DHRS4L2: variants seen among roughly 807,000 people sequenced by gnomAD.
DHRS4L2 encodes dehydrogenase/reductase 4 like 2, also known as dehydrogenase/reductase SDR family member 4-like 2.
DHRS4L2 carries 22 observed loss-of-function variants against 23.9 expected under a neutral mutation model. The observed-to-expected ratio is 0.92, with a 90% confidence interval of 0.66 to 1.31. DHRS4L2 has a LOEUF of 1.31. Ranked by LOEUF, DHRS4L2 falls within the 40% of genes most tolerant of loss-of-function variation. The pLI is 0.00. For synonymous variants in DHRS4L2, 141 were observed against 123.7 expected, an observed-to-expected ratio of 1.14 and a Z score of -0.93; for missense variants, 385 against 303.3, an observed-to-expected ratio of 1.27 and a Z score of -2.00.
At chr14:23,983,820 G>C (rs951578430), upstream of DHRS4L2, among the ~76,000 whole-genome samples, 2 of 151,546 alleles carry the variant, frequency 1.3e-5, no homozygotes, top group Non-Finnish European at 2.9e-5. Flanking sequence ...TCATAAGTGG[G>C]AGTGGAACAA....
At chr14:23,995,497 C>T (rs2034362772) in intron 3 of DHRS4L2, among the ~76,000 whole-genome samples, 1 of 151,818 alleles carries the variant, frequency 6.6e-6, no homozygotes. Flanking sequence ...CTCTTTTCAG[C>T]TGACAAAAAC....
At chr14:23,997,116 C>T (rs1356067857) in intron 3 of DHRS4L2, among the ~76,000 whole-genome samples, 4 of 145,378 alleles carry the variant, frequency 2.8e-5, no homozygotes, top group African/African-American at 1.0e-4. Flanking sequence ...TTTTTGGTTT[C>T]CCAGTGCATA....
upstream of DHRS4L2, among the ~76,000 whole-genome samples, chr14:23,986,797 T>C (rs993071835): frequency 1.3e-5 from 2 of 151,206 alleles, no homozygotes; most frequent in Non-Finnish European, 1.5e-5. Context: ...AGTCCTCCTG[T>C]GTACCCTCCC....
chr14:23,976,738 A>G (rs1249870821), intron 1 of DHRS4L2, among the ~76,000 whole-genome samples: 4 of 151,954 alleles, frequency 2.6e-5, no homozygotes. Context: ...GATAAAGGAA[A>G]TGTGGCACAT....
At chr14:23,984,915 CA>C (rs1319670373), upstream of DHRS4L2, among the ~76,000 whole-genome samples, 3 of 150,670 alleles carry the variant, frequency 2.0e-5, no homozygotes, top group African/African-American at 4.9e-5. Flanking sequence ...AAGAAGGGGT[CA>C]GGGGGCTCAT....
intron 1 of DHRS4L2, among the ~76,000 whole-genome samples, chr14:23,976,275 C>T (rs1406398820): frequency 6.6e-6 from 1 of 151,540 alleles, no homozygotes; most frequent in East Asian, 1.9e-4. Context: ...AAAAATAACC[C>T]CATCAAAAAG....
intron 1 of DHRS4L2, among the ~76,000 whole-genome samples, chr14:23,974,764 A>G (rs778366034): frequency 6.6e-6 from 1 of 151,928 alleles, no homozygotes; most frequent in Non-Finnish European, 1.5e-5. Context: ...TTAATAGCCT[A>G]CCAAACCAAA....
chr14:24,000,046 T>A (rs1272589659), intron 3 of DHRS4L2, among the ~76,000 whole-genome samples: 1 of 139,936 alleles, frequency 7.1e-6, no homozygotes, highest in Non-Finnish European at 1.5e-5. Flanking sequence ...TCTTTGTAAT[T>A]TTTGATTTTA....
chr14:23,984,895 G>C (rs144359966), upstream of DHRS4L2, among the ~76,000 whole-genome samples: 279 of 151,002 alleles, frequency 1.8e-3, 7 homozygotes, highest in African/African-American at 6.2e-3. Flanking sequence ...AGACAAATGA[G>C]TACATATGGA....
At position 24,001,104 on chromosome 14, in the gene DHRS4L2, C is replaced by A. The variant is rs769155524; in HGVS notation, c.531+20C>A. On this transcript the variant is annotated intron_variant, in intron 5 of 7. Coordinates refer to ENST00000335125, the MANE Select transcript of DHRS4L2 (RefSeq NM_198083.4). ...TCTCCTGTAAGAACCCTTTTGTCTA[C>A]CTCTTCCATCCCACCCTCCACTCCA... The A allele has an allele frequency of 3.5e-5, 56 of 1,610,242 alleles. 1 individual carries two copies. The highest frequency in any genetic ancestry group is 4.2e-5 in the Non-Finnish European group (50 of 1,179,144).
chr14:23,992,731 G>A (rs1181361213), intron 2 of DHRS4L2, among the ~76,000 whole-genome samples: 4 of 150,712 alleles, frequency 2.7e-5, no homozygotes, highest in Non-Finnish European at 5.9e-5. Context: ...TGTTGCCCAG[G>A]CTGCAGTGCA....
At chr14:23,978,942 A>C (rs2034013014) in intron 1 of DHRS4L2, among the ~76,000 whole-genome samples, 1 of 144,458 alleles carries the variant, frequency 6.9e-6, no homozygotes, top group Non-Finnish European at 1.5e-5. Flanking sequence ...ATTCACACAT[A>C]ACAATATTAA....
At chr14:23,982,187 C>A (rs1434612134) in intron 1 of DHRS4L2, among the ~76,000 whole-genome samples, 1 of 151,632 alleles carries the variant, frequency 6.6e-6, no homozygotes. Context: ...GAGGTCCCTG[C>A]GGCTTTCCGC....
At chr14:23,991,893 G>A (rs1455503000) in intron 2 of DHRS4L2, among the ~76,000 whole-genome samples, 2 of 151,236 alleles carry the variant, frequency 1.3e-5, no homozygotes, top group Non-Finnish European at 2.9e-5. Flanking sequence ...CCACCACCAC[G>A]TCCAGCTAAT....
chr14:23,990,239 C>A lies in DHRS4L2; in HGVS notation c.186C>A (p.Ser62Arg), dbSNP rs1307415618. 1.9e-6 allele frequency: 3 copies of A among 1,612,844 alleles called. No homozygotes were observed. Among genetic ancestry groups the A allele is most frequent in the Non-Finnish European group, 2.5e-6 (3 of 1,179,372 alleles). Reference sequence around the variant, plus strand: ...AGGACAGGGCCCACGTGGTCGTCAGCAGCCGGAAGCAGCAGAATGTGGACC... The same window carrying A: ...AGGACAGGGCCCACGTGGTCGTCAGAAGCCGGAAGCAGCAGAATGTGGACC... ...LAQDRAHVVV[S>R]SRKQQNVDQA... The change falls in exon 2 of 8, where the codon AGC (serine) becomes AGA (arginine). Residue 62 changes from serine (S) to arginine (R), a missense_variant. Coordinates refer to ENST00000335125, the MANE Select transcript of DHRS4L2 (RefSeq NM_198083.4).
intron 1 of DHRS4L2, among the ~76,000 whole-genome samples, chr14:23,971,788 T>C (rs2033862554): frequency 6.6e-6 from 1 of 152,100 alleles, no homozygotes; most frequent in African/African-American, 2.4e-5. Flanking sequence ...TGAGAGATTT[T>C]GTCACCACCA....
upstream of DHRS4L2, chr14:23,987,293 G>T (rs1455994033): frequency 3.6e-6 from 1 of 274,164 alleles, no homozygotes; most frequent in South Asian, 2.7e-5. Flanking sequence ...ACCACGCCCG[G>T]CTAATTTTTT....
At chr14:23,974,240 T>C (rs1300302950) in intron 1 of DHRS4L2, among the ~76,000 whole-genome samples, 1 of 151,502 alleles carries the variant, frequency 6.6e-6, no homozygotes, top group Non-Finnish European at 1.5e-5. Context: ...CTGGGACACA[T>C]TTAAAACAGT....
intron 3 of DHRS4L2, among the ~76,000 whole-genome samples, chr14:23,995,615 AT>A (rs2034365641): frequency 6.6e-6 from 1 of 151,890 alleles, no homozygotes; most frequent in Admixed American, 6.5e-5. Flanking sequence ...CTTTAAAAAA[AT>A]AAAATAAAAA....
Sources: gnomAD v4.1 joint callset for allele counts (sites outside exome capture counted in the v4.1 genomes callset) on GRCh38, gnomAD v4.1.1 for gene constraint, MANE v1.5 for transcripts, NCBI Gene and HGNC (gene_info 2026-07-23, HGNC 2026-07-21) for gene names.